Variants in EFCAB8 observed in about 807,000 individuals in gnomAD.
EFCAB8 encodes EF-hand calcium binding domain 8.
In EFCAB8, 100 loss-of-function variants were observed where a neutral mutation model predicts 116.3. The ratio of observed to expected loss-of-function variants is 0.86; its 90% CI spans 0.73 to 1.02. The LOEUF (loss-of-function observed/expected upper bound fraction) is 1.02. Among genes scored for constraint, EFCAB8 ranks in the 50% least tolerant of loss-of-function variants. EFCAB8 has a pLI of 0.00. For missense variants in EFCAB8, 1,320 were observed against 1,416.9 expected (o/e 0.93, Z 1.10); for synonymous variants, 558 against 567.9 (o/e 0.98, Z 0.25).
intron 3 of EFCAB8, among the ~76,000 whole-genome samples, chr20:32,873,209 A>G (rs920402238): frequency 4.6e-5 from 7 of 152,082 alleles, no homozygotes; most frequent in Non-Finnish European, 8.8e-5. Flanking sequence ...GAACTGGGCA[A>G]TGGCGGGGGT....
At chr20:32,902,217 A>C (rs1222928445) in intron 11 of EFCAB8, among the ~76,000 whole-genome samples, 3 of 152,110 alleles carry the variant, frequency 2.0e-5, no homozygotes, top group Non-Finnish European at 1.5e-5. Context: ...TATATGTTGC[A>C]GGTGGAGTGT....
chr20:32,870,155 C>T (rs572785741), intron 3 of EFCAB8, among the ~76,000 whole-genome samples: 10 of 152,240 alleles, frequency 6.6e-5, no homozygotes, highest in African/African-American at 2.2e-4. Context: ...AGTTTACGAA[C>T]GAGTAAAGTG....
At chr20:32,920,306 CG>C in intron 20 of EFCAB8, 91 bp downstream of exon 20, 1 of 1,479,818 alleles carries the variant, frequency 6.8e-7, no homozygotes, top group Non-Finnish European at 9.0e-7. Flanking sequence ...GGCCTGGGCT[CG>C]GGGCCCGGCC....
intron 14 of EFCAB8, 41 bp downstream of exon 14, chr20:32,908,453 G>A: frequency 8.0e-7 from 1 of 1,249,630 alleles, no homozygotes; most frequent in Non-Finnish European, 1.0e-6. Flanking sequence ...AAGGCCGCAG[G>A]TGGAGGGCCA....
intron 20 of EFCAB8, among the ~76,000 whole-genome samples, chr20:32,920,819 T>C (rs1352072984): frequency 2.0e-5 from 3 of 151,952 alleles, no homozygotes; most frequent in Admixed American, 1.3e-4. Context: ...CCCCTCTGGA[T>C]TGGGGGTAAC....
intron 9 of EFCAB8, 119 bp from the exon 10 acceptor site, chr20:32,896,334 TG>T: frequency 1.5e-6 from 1 of 645,620 alleles, no homozygotes. Context: ...AGGGTTTGGG[TG>T]GAAAAGCCTT....
Position 32,908,280 on chromosome 20 carries a change from T to G in EFCAB8, c.1314T>G (p.Ile438Met). 1 of 1,249,832 alleles carries G rather than the reference T, an allele frequency of 8.0e-7. No individual in the cohort carries two copies. The highest frequency in any genetic ancestry group is 1.0e-6 in the Non-Finnish European group (1 of 988,230). The allele number at this position is 1,249,832 out of a possible 1,614,324, so 77.4% of individuals were successfully genotyped here. A position where few individuals can be genotyped will look rare whatever the true frequency, so the allele number is the denominator to read the frequency against. ...ILISVSKDKN[I>M]RVWDMLDYIC... ...GCCTTTTTCCCATCCCCCAGAATAT[T>G]CGCGTGTGGGACATGCTGGACTACA... The change falls in exon 14 of 27, where the codon ATT becomes ATG. Residue 438 changes from isoleucine (I) to methionine (M), a missense_variant. Transcript: ENST00000400522.
At chr20:32,913,485 A>C (rs1987036376) in intron 17 of EFCAB8, among the ~76,000 whole-genome samples, 1 of 152,226 alleles carries the variant, frequency 6.6e-6, no homozygotes, top group Non-Finnish European at 1.5e-5. Context: ...AGCAAAATTC[A>C]GTCTATGGCA....
At position 32,961,555 on chromosome 20, in the gene EFCAB8, TCTG is replaced by T; in HGVS notation, c.3814_3816del (p.Leu1272del). 7.1e-7 allele frequency: 1 copy of T among 1,402,042 alleles called. No homozygotes were observed. Among genetic ancestry groups the T allele is most frequent in the South Asian group, 1.9e-5 (1 of 53,056 alleles). 86.9% of individuals were successfully genotyped at this position (1,402,042 alleles called of 1,614,324 possible). On this transcript the variant is annotated inframe_deletion, in exon 27 of 27. Transcript: ENST00000400522. ...CCTCCTTCGAGCGGCCCCCAAGGCCTCTGAAGGCCACCTTCATGTCCTCTGTGA... is the reference window on the plus strand; with the variant it reads ...CCTCCTTCGAGCGGCCCCCAAGGCCTAAGGCCACCTTCATGTCCTCTGTGA...
At chr20:32,919,417 T>G (rs1346016110) in intron 19 of EFCAB8, among the ~76,000 whole-genome samples, 1 of 152,212 alleles carries the variant, frequency 6.6e-6, no homozygotes, top group African/African-American at 2.4e-5. Context: ...ATACCATCTT[T>G]GAGTTATCAG....
At chr20:32,874,927 T>C (rs1419293850) in intron 3 of EFCAB8, among the ~76,000 whole-genome samples, 1 of 152,100 alleles carries the variant, frequency 6.6e-6, no homozygotes, top group East Asian at 1.9e-4. Flanking sequence ...TTTGTATTTT[T>C]TAGTAGAGGC....
rs1986837352 is a variant in EFCAB8, at chr20:32,909,874, G to A, written c.1500G>A (p.Lys500=). ...LEAQGLIKAR[K]RTTHCSPLCA... ...CCCAGGGGCTTATCAAAGCAAGGAAGAGGACCACTCATTGCTCACCCCTGT... is the reference window on the plus strand; with the variant it reads ...CCCAGGGGCTTATCAAAGCAAGGAAAAGGACCACTCATTGCTCACCCCTGT... The change falls in exon 15 of 27, where the codon AAG becomes AAA. Residue 500 remains lysine, a synonymous_variant. Coordinates refer to ENST00000400522, the MANE Select transcript of EFCAB8 (RefSeq NM_001143967.2). The A allele has an allele frequency of 1.6e-6, 2 of 1,249,798 alleles. No individual in the cohort carries two copies. The highest frequency in any genetic ancestry group is 1.6e-5 in the African/African-American group (1 of 64,470). The allele number at this position is 1,249,798 out of a possible 1,614,324, so 77.4% of individuals were successfully genotyped here. A position where few individuals can be genotyped will look rare whatever the true frequency, so the allele number is the denominator to read the frequency against.
At chr20:32,884,032 G>A (rs756267770) in intron 5 of EFCAB8, among the ~76,000 whole-genome samples, 12 of 152,086 alleles carry the variant, frequency 7.9e-5, no homozygotes, top group Non-Finnish European at 1.3e-4. Flanking sequence ...CACTCTGCCC[G>A]GTCAGGTCTT....
chr20:32,906,088 T>C (rs1290216896), intron 11 of EFCAB8, among the ~76,000 whole-genome samples: 3 of 152,176 alleles, frequency 2.0e-5, no homozygotes, highest in African/African-American at 7.2e-5. Flanking sequence ...GCACCCTGCA[T>C]GGGGACCACA....
In EFCAB8 at chr20:32,931,351, GGA is replaced by G. The variant is rs1170927503; in HGVS notation, c.2790+19_2790+20del. ...AGGATAAAGAGGTAGGAGGATTACT[GGA>G]GAGTTGCTCAGGAAAGTGCCTTTGA... On this transcript the variant is annotated intron_variant, in intron 22 of 26. Coordinates refer to ENST00000400522, the MANE Select transcript of EFCAB8 (RefSeq NM_001143967.2). 3 of 1,523,802 alleles carry G rather than the reference GGA, an allele frequency of 2.0e-6. No homozygotes were observed. Among genetic ancestry groups the G allele is most frequent in the Non-Finnish European group, 2.6e-6 (3 of 1,134,038 alleles). 94.4% of individuals were successfully genotyped at this position (1,523,802 alleles called of 1,614,324 possible). A position where few individuals can be genotyped will look rare whatever the true frequency, so the allele number is the denominator to read the frequency against.
intron 20 of EFCAB8, among the ~76,000 whole-genome samples, chr20:32,923,998 T>C (rs1358444982): frequency 6.6e-6 from 1 of 152,220 alleles, no homozygotes; most frequent in Non-Finnish European, 1.5e-5. Context: ...CAGTGGTAGC[T>C]AGTAATTATT....
At chr20:32,940,018 T>G (rs1458692628) in intron 22 of EFCAB8, among the ~76,000 whole-genome samples, 1 of 26,710 alleles carries the variant, frequency 3.7e-5, no homozygotes, top group Non-Finnish European at 7.6e-5. Flanking sequence ...CCTCCCTCCC[T>G]CCCTCCCTTC....
At chr20:32,940,304 T>C (rs1054157536) in intron 22 of EFCAB8, among the ~76,000 whole-genome samples, 1 of 149,288 alleles carries the variant, frequency 6.7e-6, no homozygotes, top group African/African-American at 2.5e-5. Flanking sequence ...ACAAGAATGC[T>C]GAGACAATCA....
intron 11 of EFCAB8, 29 bp downstream of exon 11, chr20:32,898,652 C>T (rs774499992): frequency 1.7e-5 from 12 of 708,790 alleles, no homozygotes; most frequent in South Asian, 6.0e-5. Flanking sequence ...CTGGCTAAGG[C>T]GGTGGGGCTG....
Sources: allele counts gnomAD v4.1 joint callset (sites outside exome capture counted in the v4.1 genomes callset), GRCh38; gene constraint gnomAD v4.1.1; transcripts MANE v1.5; gene names NCBI Gene and HGNC (gene_info 2026-07-23, HGNC 2026-07-21).